Variants in PLXDC2 observed in about 807,000 individuals in gnomAD.
PLXDC2 encodes the protein plexin domain containing 2.
PLXDC2 carries 40 observed loss-of-function variants against 68.9 expected under a neutral mutation model. The observed-to-expected ratio is 0.58, with a 90% CI of 0.45 to 0.76. The LOEUF is 0.76. Ranked by LOEUF, PLXDC2 falls within the 30% of genes least tolerant of loss-of-function variation. PLXDC2 has a pLI of 0.00. For synonymous variants in PLXDC2, 243 were observed against 234.2 expected (o/e 1.04, Z -0.34); for missense variants, 644 against 661.9 (o/e 0.97, Z 0.30).
intron 2 of PLXDC2, among the ~76,000 whole-genome samples, chr10:20,017,782 T>G (rs1156373821): frequency 6.6e-6 from 1 of 152,242 alleles, no homozygotes; most frequent in African/African-American, 2.4e-5. Flanking sequence ...TCACTGCACT[T>G]ACATTTGATG....
intron 13 of PLXDC2, among the ~76,000 whole-genome samples, chr10:20,255,472 A>G (rs187249241): frequency 2.6e-4 from 40 of 152,306 alleles, no homozygotes; most frequent in Admixed American, 5.2e-4. Flanking sequence ...GTTAAAATAA[A>G]TACTTAAGCC....
chr10:19,991,246 C>CAA lies in PLXDC2; in HGVS notation c.113-10517_113-10516dup, dbSNP rs372597238. Among the ~76,000 whole-genome samples, 776 of 130,622 alleles carry CAA rather than the reference C, an allele frequency of 5.9e-3. 4 individuals are homozygous for CAA. Among genetic ancestry groups the CAA allele is most frequent in the African/African-American group, 0.017 (610 of 36,340 alleles). 85.7% of individuals were successfully genotyped at this position (130,622 alleles called of 152,430 possible). On this transcript the variant is annotated intron_variant, in intron 1 of 13. Coordinates refer to ENST00000377252, the MANE Select transcript of PLXDC2 (RefSeq NM_032812.9). ...GGGCAACAAGACCGAAACTCTCTCT[C>CAA]AAAAAAAAAAAAACAACAACTGTGA...
chr10:20,143,210 G>A, intron 4 of PLXDC2, 85 bp from the exon 5 acceptor site: 3 of 1,343,196 alleles, frequency 2.2e-6, no homozygotes, highest in Non-Finnish European at 3.1e-6. Context: ...TTCATAATAT[G>A]ACTGTAATTG....
intron 1 of PLXDC2, among the ~76,000 whole-genome samples, chr10:19,902,268 G>T (rs1340245131): frequency 6.6e-6 from 1 of 152,032 alleles, no homozygotes; most frequent in Non-Finnish European, 1.5e-5. Context: ...TGGCAGTATG[G>T]TCATTTTCAC....
chr10:20,252,015 C>T (rs1404552439), intron 13 of PLXDC2, among the ~76,000 whole-genome samples: 1 of 151,028 alleles, frequency 6.6e-6, no homozygotes, highest in Non-Finnish European at 1.5e-5. Context: ...GAAATGTCCT[C>T]AGAGAGAAAG....
intron 4 of PLXDC2, among the ~76,000 whole-genome samples, chr10:20,086,245 G>A (rs906417516): frequency 3.3e-5 from 5 of 152,086 alleles, no homozygotes; most frequent in Admixed American, 6.5e-5. Flanking sequence ...CTGCAGCCTC[G>A]ACCTCCTGGA....
chr10:20,186,596 G>A (rs994843650), intron 9 of PLXDC2, among the ~76,000 whole-genome samples: 2 of 151,804 alleles, frequency 1.3e-5, no homozygotes, highest in African/African-American at 4.8e-5. Flanking sequence ...GCCTCAGTAT[G>A]TGTTGTTCCC....
chr10:20,104,693 G>A (rs899100278), intron 4 of PLXDC2, among the ~76,000 whole-genome samples: 3 of 151,988 alleles, frequency 2.0e-5, no homozygotes, highest in Admixed American at 1.3e-4. Flanking sequence ...TTAAATGGGG[G>A]GAGAAAACAC....
chr10:20,057,239 G>A (rs969525056), intron 3 of PLXDC2, among the ~76,000 whole-genome samples: 1 of 151,722 alleles, frequency 6.6e-6, no homozygotes, highest in Non-Finnish European at 1.5e-5. Flanking sequence ...AACTGTAAAT[G>A]GAATATAATT....
chr10:20,119,209 C>G (rs527675267), intron 4 of PLXDC2, among the ~76,000 whole-genome samples: 1 of 152,026 alleles, frequency 6.6e-6, no homozygotes, highest in South Asian at 2.1e-4. Flanking sequence ...AATTTTCATG[C>G]GTGTCTGTGT....
intron 1 of PLXDC2, among the ~76,000 whole-genome samples, chr10:19,879,572 A>G (rs998176498): frequency 3.9e-5 from 6 of 152,212 alleles, no homozygotes; most frequent in Non-Finnish European, 7.3e-5. Context: ...ACATAGGTAC[A>G]TAAAAGAAGG....
At position 20,283,150 on chromosome 10, in the gene PLXDC2, G is replaced by T. The variant is rs1039570464; in HGVS notation, c.*3331G>T. On this transcript the variant is annotated 3_prime_UTR_variant, in exon 14 of 14. Transcript: ENST00000377252. Reference sequence around the variant, plus strand: ...AAGAAGAGGAAAGAAACAAGATTTGGTAGCTCTTGGGCATATCCAAGCATT... The same window carrying T: ...AAGAAGAGGAAAGAAACAAGATTTGTTAGCTCTTGGGCATATCCAAGCATT... 1 of 152,090 alleles carries T rather than the reference G, an allele frequency of 6.6e-6. No homozygotes were observed. Among genetic ancestry groups the T allele is most frequent in the Non-Finnish European group, 1.5e-5 (1 of 68,020 alleles). The allele number at this position is 152,090 out of a possible 1,614,324, so 9.4% of individuals were successfully genotyped here. A position where few individuals can be genotyped will look rare whatever the true frequency, so the allele number is the denominator to read the frequency against.
In PLXDC2 at chr10:20,210,538, A is replaced by G. The variant is rs1835055371; in HGVS notation, c.1062-1131A>G. Among the ~76,000 whole-genome samples, 3 of 152,166 alleles carry G rather than the reference A, an allele frequency of 2.0e-5. No homozygotes were observed. The South Asian group carries it at 6.2e-4, about 32-fold the overall frequency. On this transcript the variant is annotated intron_variant, in intron 9 of 13. Coordinates refer to ENST00000377252, the MANE Select transcript of PLXDC2 (RefSeq NM_032812.9). The stretch of plus-strand genomic sequence containing the variant: ...CAAGGAAGACAGTATGAGTGAACAA[A>G]GTCTAATTAACACAATGCTTGCTAA...
At chr10:19,874,586 A>C (rs982301780) in intron 1 of PLXDC2, among the ~76,000 whole-genome samples, 2 of 152,236 alleles carry the variant, frequency 1.3e-5, no homozygotes, top group Non-Finnish European at 2.9e-5. Context: ...CTTAGAATAT[A>C]AGGTGTCATA....
chr10:19,841,867 C>T lies in PLXDC2; in HGVS notation c.112+24676C>T, dbSNP rs141147289. 1.9e-4 allele frequency among the ~76,000 whole-genome samples: 29 copies of T among 151,866 alleles called. No homozygotes were observed. The East Asian group carries it at 2.1e-3, about 11-fold the overall frequency. On this transcript the variant is annotated intron_variant, in intron 1 of 13. Transcript: ENST00000377252. ...TTTATAGCAAACATAGTAGTATATA[C>T]GTACATAGCAGTATGTTTATAATGT...
intron 7 of PLXDC2, among the ~76,000 whole-genome samples, chr10:20,169,565 T>G (rs542814363): frequency 4.3e-4 from 66 of 152,300 alleles, no homozygotes; most frequent in African/African-American, 1.6e-3. Flanking sequence ...TGCACTAATT[T>G]GTTTCTCTCT....
chr10:19,825,293 TGA>T (rs2131998404), intron 1 of PLXDC2, among the ~76,000 whole-genome samples: 1 of 152,280 alleles, frequency 6.6e-6, no homozygotes, highest in East Asian at 1.9e-4. Flanking sequence ...ATTGAGGCTT[TGA>T]GAATATGGAG....
chr10:20,171,343 CT>C (rs1268178512), intron 7 of PLXDC2, among the ~76,000 whole-genome samples: 8 of 152,078 alleles, frequency 5.3e-5, no homozygotes, highest in Non-Finnish European at 1.0e-4. Flanking sequence ...ATGGAAAACC[CT>C]TCAAAAGTAT....
intron 1 of PLXDC2, among the ~76,000 whole-genome samples, chr10:19,936,137 T>C (rs1833719385): frequency 6.6e-6 from 1 of 152,218 alleles, no homozygotes; most frequent in Admixed American, 6.5e-5. Context: ...CAAATTCCAA[T>C]TGTAAGCTTG....
Sources: gnomAD v4.1 joint callset for allele counts (sites outside exome capture counted in the v4.1 genomes callset) on GRCh38, gnomAD v4.1.1 for gene constraint, MANE v1.5 for transcripts, NCBI Gene and HGNC (gene_info 2026-07-23, HGNC 2026-07-21) for gene names.